The following DCUN1D4 variants were observed in gnomAD, a reference collection of about 807,000 sequenced individuals.
DCUN1D4 encodes defective in cullin neddylation 1 domain containing 4, also known as DCN1-like protein 4.
Under a neutral mutation model 47.9 loss-of-function variants are expected in DCUN1D4, and 22 were observed. That is an observed-to-expected ratio of 0.46 (90% CI 0.33 to 0.66). The LOEUF is 0.66. Among genes scored for constraint, DCUN1D4 ranks in the 30% least tolerant of loss-of-function variants. The pLI is 0.02. For synonymous variants in DCUN1D4, 121 were observed against 112.2 expected (o/e 1.08, Z -0.50); for missense variants, 301 against 340.8 (o/e 0.88, Z 0.92).
intron 3 of DCUN1D4, among the ~76,000 whole-genome samples, chr4:51,868,334 C>T (rs1367643396): frequency 6.6e-6 from 1 of 152,216 alleles, no homozygotes; most frequent in Non-Finnish European, 1.5e-5. Flanking sequence ...GCCCCTGCTG[C>T]TCCTCCTCCA....
chr4:51,882,746 G>A (rs555591423), intron 5 of DCUN1D4, among the ~76,000 whole-genome samples: 4 of 152,182 alleles, frequency 2.6e-5, no homozygotes, highest in East Asian at 3.9e-4. Flanking sequence ...CAGCCTGGGC[G>A]ACAGTGCCAG....
At chr4:51,836,456 A>G in the DCUN1D4 span, among the ~76,000 whole-genome samples, 12 of 152,086 alleles carry the variant, frequency 7.9e-5, no homozygotes, top group African/African-American at 2.4e-4. Context: ...TGTGTGTCCA[A>G]ATTTATTTCT....
intron 7 of DCUN1D4, among the ~76,000 whole-genome samples, chr4:51,897,911 A>C (rs1298715100): frequency 6.6e-6 from 1 of 152,248 alleles, no homozygotes; most frequent in African/African-American, 2.4e-5. Flanking sequence ...TAAGAAGGTC[A>C]TGTGTGGAGC....
At chr4:51,903,523 G>A (rs1364061564) in intron 8 of DCUN1D4, among the ~76,000 whole-genome samples, 1 of 152,060 alleles carries the variant, frequency 6.6e-6, no homozygotes. Context: ...TTTTGGAACT[G>A]TGGGTTTATA....
chr4:51,869,664 C>T (rs912770994), intron 3 of DCUN1D4, among the ~76,000 whole-genome samples: 10 of 152,068 alleles, frequency 6.6e-5, no homozygotes, highest in East Asian at 1.9e-4. Flanking sequence ...TAATGTGCTA[C>T]GTAATTAAAT....
chr4:51,876,499 A>G (rs934595423), intron 4 of DCUN1D4, among the ~76,000 whole-genome samples: 9 of 152,134 alleles, frequency 5.9e-5, no homozygotes, highest in African/African-American at 2.2e-4. Flanking sequence ...CAGCACACCA[A>G]CATGGCACAC....
intron 6 of DCUN1D4, among the ~76,000 whole-genome samples, chr4:51,888,935 C>T (rs1729987603): frequency 6.6e-6 from 1 of 151,966 alleles, no homozygotes. Flanking sequence ...CATGGTGAAA[C>T]CCCATCTTTA....
At chr4:51,901,350 CA>C (rs1732084251) in intron 8 of DCUN1D4, among the ~76,000 whole-genome samples, 1 of 152,160 alleles carries the variant, frequency 6.6e-6, no homozygotes, top group Non-Finnish European at 1.5e-5. Context: ...CCACGTTGTT[CA>C]TAGTAGATCC....
In DCUN1D4 at chr4:51,863,436, G is replaced by T; in HGVS notation, c.26-1G>T. ...TGACATTTTTCCTTTTTCTTTTCAA[G>T]ATTTTCAGCTGAACTCTCATCTCTC... On this transcript the variant is annotated splice_acceptor_variant, in intron 1 of 10. Transcript: ENST00000334635. LOFTEE classifies it high-confidence loss of function. 1 of 1,606,940 alleles carries T rather than the reference G, an allele frequency of 6.2e-7. No individual in the cohort carries two copies. The highest frequency in any genetic ancestry group is 8.5e-7 in the Non-Finnish European group (1 of 1,177,038).
chr4:51,877,614 GC>G, intron 4 of DCUN1D4, 148 bp from the exon 5 acceptor site: 1 of 542,776 alleles, frequency 1.8e-6, no homozygotes, highest in Non-Finnish European at 3.3e-6. Flanking sequence ...AAAAGCTGAA[GC>G]CTGCAAATGC....
intron 7 of DCUN1D4, among the ~76,000 whole-genome samples, chr4:51,895,558 T>G (rs1044638353): frequency 1.4e-4 from 4 of 27,724 alleles, no homozygotes; most frequent in African/African-American, 6.5e-4. Context: ...GTGCTTAAAC[T>G]TAAAAAAAAA....
At chr4:51,844,788 G>A in intron 1 of DCUN1D4, 2 of 977,004 alleles carry the variant, frequency 2.0e-6, no homozygotes, top group Middle Eastern at 5.3e-4. Context: ...GGGACTTGTA[G>A]TCGCGGCCGC....
chr4:51,904,265 G>A (rs1028015021), intron 8 of DCUN1D4, among the ~76,000 whole-genome samples: 2 of 152,242 alleles, frequency 1.3e-5, no homozygotes, highest in East Asian at 3.9e-4. Context: ...AATGCCTTGT[G>A]TGCTATGAGA....
At chr4:51,886,706 G>A (rs1300753527) in intron 6 of DCUN1D4, 68 bp downstream of exon 6, 2 of 1,269,274 alleles carry the variant, frequency 1.6e-6, no homozygotes, top group Non-Finnish European at 2.3e-6. Context: ...TTGTTCTTTA[G>A]CAAATAAATA....
At chr4:51,858,794 T>C (rs550172383) in intron 1 of DCUN1D4, among the ~76,000 whole-genome samples, 4 of 152,358 alleles carry the variant, frequency 2.6e-5, no homozygotes, top group Admixed American at 2.0e-4. Context: ...ACCTGGTTTT[T>C]ATAAATAAAG....
At chr4:51,913,425 G>A in intron 10 of DCUN1D4, 33 bp downstream of exon 10, 2 of 1,587,252 alleles carry the variant, frequency 1.3e-6, no homozygotes, top group Non-Finnish European at 1.7e-6. Flanking sequence ...TGCCATTCGT[G>A]TACATTTCTA....
Position 51,874,156 on chromosome 4 carries a change from A to T in DCUN1D4, c.137-115A>T, listed in dbSNP as rs187515775. ...AAAACCCATCTTTTCTTTAACATCTAAATTCCTTACAATACAAGCTGTGGA... is the reference window on the plus strand; with the variant it reads ...AAAACCCATCTTTTCTTTAACATCTTAATTCCTTACAATACAAGCTGTGGA... On this transcript the variant is annotated intron_variant, in intron 3 of 10. Transcript: ENST00000334635. 9.3e-4 allele frequency: 511 copies of T among 547,148 alleles called. 2 individuals are homozygous for T. The highest frequency in any genetic ancestry group is 1.7e-3 in the Middle Eastern group (6 of 3,522). The allele number at this position is 547,148 out of a possible 1,614,324, so 33.9% of individuals were successfully genotyped here. A position where few individuals can be genotyped will look rare whatever the true frequency, so the allele number is the denominator to read the frequency against.
At chr4:51,889,030 G>T (rs969904038) in intron 6 of DCUN1D4, among the ~76,000 whole-genome samples, 2 of 151,428 alleles carry the variant, frequency 1.3e-5, no homozygotes, top group African/African-American at 4.9e-5. Flanking sequence ...AATCACTTGA[G>T]CCCAGGAGGT....
At chr4:51,886,524 G>T in intron 5 of DCUN1D4, 44 bp from the exon 6 acceptor site, 2 of 1,539,984 alleles carry the variant, frequency 1.3e-6, no homozygotes, top group Non-Finnish European at 1.8e-6. Context: ...TAATAGTATG[G>T]TGTGCATGGT....
Sources: allele counts gnomAD v4.1 joint callset (sites outside exome capture counted in the v4.1 genomes callset), GRCh38; gene constraint gnomAD v4.1.1; transcripts MANE v1.5; gene names NCBI Gene and HGNC (gene_info 2026-07-23, HGNC 2026-07-21).